Variants in PCTP observed in about 807,000 individuals in gnomAD.
PCTP encodes the protein START domain-containing protein 2.
A neutral mutation model predicts 31.0 loss-of-function variants in PCTP; 27 were observed. That is an observed-to-expected ratio of 0.87 (90% CI 0.64 to 1.20). The LOEUF (loss-of-function observed/expected upper bound fraction) is 1.20, where lower values mean the gene tolerates loss of function less well. PCTP is among the 50% of genes most tolerant of loss of function. The pLI is 0.00. For synonymous variants in PCTP, 108 were observed against 101.2 expected (o/e 1.07, Z -0.40); for missense variants, 287 against 268.2 (o/e 1.07, Z -0.49).
chr17:55,796,085 A>G (rs1335045917), intron 3 of PCTP, among the ~76,000 whole-genome samples: 1 of 152,034 alleles, frequency 6.6e-6, no homozygotes. Context: ...GGGAGAAGTA[A>G]TAGTACGAAT....
At chr17:55,789,414 A>C (rs8082344) in intron 3 of PCTP, among the ~76,000 whole-genome samples, 4,137 of 152,254 alleles carry the variant, frequency 0.027, 187 homozygotes, top group African/African-American at 0.095. Flanking sequence ...AAGTACCATT[A>C]ATATCCTGAC....
chr17:55,760,197 A>C (rs903311467), intron 1 of PCTP, among the ~76,000 whole-genome samples: 2 of 152,230 alleles, frequency 1.3e-5, no homozygotes, highest in African/African-American at 4.8e-5. Flanking sequence ...GATTATTGCA[A>C]GTATTCATGA....
At chr17:55,819,558 C>G (rs576492823) in intron 3 of PCTP, among the ~76,000 whole-genome samples, 1 of 152,012 alleles carries the variant, frequency 6.6e-6, no homozygotes, top group South Asian at 2.1e-4. Context: ...CAAGACCAGC[C>G]TAGGAAATAT....
the PCTP span, among the ~76,000 whole-genome samples, chr17:55,848,591 G>T: frequency 1.3e-5 from 2 of 152,158 alleles, no homozygotes; most frequent in African/African-American, 4.8e-5. Flanking sequence ...CAATTTTGCT[G>T]TGAACTGGCA....
chr17:55,789,252 C>G (rs1181113789), intron 3 of PCTP, among the ~76,000 whole-genome samples: 1 of 152,102 alleles, frequency 6.6e-6, no homozygotes, highest in Non-Finnish European at 1.5e-5. Context: ...TTATGCTTTT[C>G]TCTTTCCTCT....
At position 55,803,086 on chromosome 17, in the gene PCTP, T is replaced by C. The variant is rs141105915; in HGVS notation, c.317+15432T>C. ...AATAATAGACAAACAGAGAGCCAAATCATGAGTGAATTCCCATTCACAATT... is the reference window on the plus strand; with the variant it reads ...AATAATAGACAAACAGAGAGCCAAACCATGAGTGAATTCCCATTCACAATT... On this transcript the variant is annotated intron_variant, in intron 3 of 3. Coordinates refer to the PCTP transcript ENST00000572536. Among the ~76,000 whole-genome samples the C allele has an allele frequency of 1.4e-4, 21 of 152,216 alleles. No individual in the cohort carries two copies. The East Asian group carries it at 3.9e-3, about 28-fold the overall frequency.
chr17:55,838,163 G>A lies in PCTP; in HGVS notation n.506-4564G>A, dbSNP rs148210153. On this transcript the variant is annotated intron_variant and non_coding_transcript_variant, in intron 5 of 5. Coordinates refer to the PCTP transcript ENST00000576221. ...CTCAAACAAAAGAGAACAAAAAAAT[G>A]CAAACTTAATCATATTTCAATCCTG... 1.6e-3 allele frequency among the ~76,000 whole-genome samples: 243 copies of A among 151,984 alleles called. 1 individual carries two copies. Among genetic ancestry groups the A allele is most frequent in the African/African-American group, 5.6e-3 (233 of 41,462 alleles).
chr17:55,774,886 G>A, intron 5 of PCTP, 27 bp downstream of exon 5: 25 of 552,740 alleles, frequency 4.5e-5, no homozygotes, highest in Non-Finnish European at 8.1e-5. Flanking sequence ...TGGGGCGGGG[G>A]GAGGGATGGG....
chr17:55,792,703 C>T (rs1257350184), intron 3 of PCTP, among the ~76,000 whole-genome samples: 2 of 152,072 alleles, frequency 1.3e-5, no homozygotes, highest in Non-Finnish European at 2.9e-5. Context: ...CACCAGGTGA[C>T]TTCAAAAGCC....
intron 1 of PCTP, among the ~76,000 whole-genome samples, chr17:55,758,630 T>G (rs752198554): frequency 1.1e-4 from 17 of 152,204 alleles, no homozygotes; most frequent in Non-Finnish European, 1.9e-4. Flanking sequence ...GGAGCTGAAA[T>G]TTACTTGTGG....
exon 4 of PCTP, chr17:55,822,880 C>T: frequency 8.6e-7 from 1 of 1,161,072 alleles, no homozygotes; most frequent in Non-Finnish European, 1.1e-6. Flanking sequence ...AAGATAAAGA[C>T]ATGAGAAAAG....
In PCTP at chr17:55,759,826, G is replaced by A. The variant is rs371996248; in HGVS notation, c.142-7509G>A. Among the ~76,000 whole-genome samples the A allele has an allele frequency of 3.9e-5, 6 of 152,142 alleles. 1 individual carries two copies. Among genetic ancestry groups the A allele is most frequent in the Admixed American group, 3.9e-4 (6 of 15,272 alleles). On this transcript the variant is annotated intron_variant, in intron 1 of 5. Coordinates refer to ENST00000268896, the MANE Select transcript of PCTP (RefSeq NM_021213.4). ...CTACAGGAGATTACTCCTGTGTGGGGATTGCAAGTGTCATTTGCAAACATT... is the reference window on the plus strand; with the variant it reads ...CTACAGGAGATTACTCCTGTGTGGGAATTGCAAGTGTCATTTGCAAACATT...
chr17:55,784,262 C>A (rs1289428298), intron 2 of PCTP, among the ~76,000 whole-genome samples: 5 of 152,120 alleles, frequency 3.3e-5, no homozygotes, highest in South Asian at 2.1e-4. Context: ...TGTTTGTTCT[C>A]CAGCAGGAAG....
intron 3 of PCTP, among the ~76,000 whole-genome samples, chr17:55,794,118 C>T (rs1912101869): frequency 6.6e-6 from 1 of 151,992 alleles, no homozygotes; most frequent in African/African-American, 2.4e-5. Context: ...ACAAAACCAA[C>T]CTCCTTTTTT....
chr17:55,760,342 A>G (rs181565508), intron 1 of PCTP, among the ~76,000 whole-genome samples: 4 of 152,340 alleles, frequency 2.6e-5, no homozygotes, highest in Non-Finnish European at 4.4e-5. Context: ...TGAAATAGTA[A>G]CCTACCTTAT....
the PCTP span, among the ~76,000 whole-genome samples, chr17:55,848,345 G>A: frequency 3.3e-5 from 5 of 152,194 alleles, no homozygotes; most frequent in Non-Finnish European, 5.9e-5. Flanking sequence ...AACTTACAGT[G>A]AGAGATAGTA....
chr17:55,764,792 A>G (rs925165197), intron 1 of PCTP, among the ~76,000 whole-genome samples: 1 of 152,236 alleles, frequency 6.6e-6, no homozygotes, highest in Non-Finnish European at 1.5e-5. Flanking sequence ...TCATTCATGC[A>G]TGATTAACCA....
chr17:55,809,523 CTTTTTT>C (rs1433337764), intron 3 of PCTP, among the ~76,000 whole-genome samples: 1 of 128,770 alleles, frequency 7.8e-6, no homozygotes, highest in Non-Finnish European at 1.6e-5. Context: ...TTCTCAGAGT[CTTTTTT>C]TTTTTTTTTT....
chr17:55,783,893 C>T (rs1395351504), intron 2 of PCTP, among the ~76,000 whole-genome samples: 2 of 152,144 alleles, frequency 1.3e-5, no homozygotes, highest in Non-Finnish European at 2.9e-5. Flanking sequence ...CCAGGGAGGC[C>T]GTTTCCTCAC....
Sources: allele counts gnomAD v4.1 joint callset (sites outside exome capture counted in the v4.1 genomes callset), GRCh38; gene constraint gnomAD v4.1.1; transcripts MANE v1.5; gene names NCBI Gene and HGNC (gene_info 2026-07-23, HGNC 2026-07-21).